Variants in DSCAM observed in about 807,000 individuals in gnomAD.
The protein encoded by DSCAM is DS cell adhesion molecule, also known as cell adhesion molecule DSCAM.
Under a neutral mutation model 217.7 loss-of-function variants are expected in DSCAM, and 47 were observed. The observed-to-expected ratio is 0.22, with a 90% CI of 0.17 to 0.28. DSCAM has a LOEUF of 0.28. DSCAM is among the 10% of genes least tolerant of loss of function. DSCAM has a pLI of 1.00. For missense variants in DSCAM, 2,080 were observed against 2,618.3 expected, an observed-to-expected ratio of 0.79 and a Z score of 4.49; for synonymous variants, 1,056 against 1,015.3, an observed-to-expected ratio of 1.04 and a Z score of -0.76.
At chr21:40,722,867 G>A (rs1053787219) in intron 1 of DSCAM, among the ~76,000 whole-genome samples, 3 of 152,086 alleles carry the variant, frequency 2.0e-5, no homozygotes, top group African/African-American at 7.2e-5. Flanking sequence ...GAAAGTGGGA[G>A]TGATTATATT....
At chr21:40,030,950 C>G (rs1383487681) in intron 32 of DSCAM, among the ~76,000 whole-genome samples, 1 of 152,158 alleles carries the variant, frequency 6.6e-6, no homozygotes, top group Non-Finnish European at 1.5e-5. Flanking sequence ...CATCCTCCTG[C>G]CACTGTGTTC....
At chr21:40,798,772 T>C (rs2091713823) in intron 1 of DSCAM, among the ~76,000 whole-genome samples, 2 of 152,164 alleles carry the variant, frequency 1.3e-5, no homozygotes, top group South Asian at 2.1e-4. Flanking sequence ...CTCTACATTG[T>C]AGAACTACAA....
intron 1 of DSCAM, among the ~76,000 whole-genome samples, chr21:40,818,946 T>A (rs572979349): frequency 6.6e-6 from 1 of 152,186 alleles, no homozygotes; most frequent in Non-Finnish European, 1.5e-5. Flanking sequence ...AGATCTGAAG[T>A]ACAAATGTAG....
intron 32 of DSCAM, among the ~76,000 whole-genome samples, chr21:40,028,499 A>G (rs908314807): frequency 6.6e-6 from 1 of 151,828 alleles, no homozygotes; most frequent in African/African-American, 2.4e-5. Context: ...GCAATCAGCG[A>G]GACTCCATGG....
chr21:40,691,238 T>C (rs1157407098), intron 3 of DSCAM, among the ~76,000 whole-genome samples: 1 of 152,182 alleles, frequency 6.6e-6, no homozygotes, highest in Non-Finnish European at 1.5e-5. Context: ...ATGTGTCACC[T>C]CCAAGTGGAA....
chr21:40,618,909 T>C (rs1474834657), intron 3 of DSCAM: 1 of 152,210 alleles, frequency 6.6e-6, no homozygotes, highest in Non-Finnish European at 1.5e-5. Context: ...CTCAAGTGTC[T>C]ACCAAGACCC....
At chr21:40,534,931 T>C (rs1365433732) in intron 3 of DSCAM, among the ~76,000 whole-genome samples, 1 of 152,150 alleles carries the variant, frequency 6.6e-6, no homozygotes, top group East Asian at 1.9e-4. Flanking sequence ...CATCTAGTAG[T>C]GAATAAGAAA....
intron 1 of DSCAM, among the ~76,000 whole-genome samples, chr21:40,794,996 T>G (rs2123477265): frequency 6.7e-6 from 1 of 150,014 alleles, no homozygotes; most frequent in Admixed American, 6.7e-5. Context: ...TTCTACACAA[T>G]AAGATTGATA....
At chr21:40,708,801 G>C in intron 1 of DSCAM, 30 bp from the exon 2 acceptor site, 1 of 1,430,584 alleles carries the variant, frequency 7.0e-7, no homozygotes, top group Non-Finnish European at 9.3e-7. Flanking sequence ...GGATCCATAG[G>C]TGAGTAAAAC....
intron 20 of DSCAM, 40 bp downstream of exon 20, chr21:40,124,155 G>A: frequency 6.2e-7 from 1 of 1,612,600 alleles, no homozygotes; most frequent in South Asian, 1.1e-5. Context: ...GCTCGTCCCT[G>A]GCAGACGCTT....
chr21:40,685,989 GC>G (rs1271268131), intron 3 of DSCAM, among the ~76,000 whole-genome samples: 1 of 151,952 alleles, frequency 6.6e-6, no homozygotes, highest in Non-Finnish European at 1.5e-5. Context: ...CTTTCCCTAG[GC>G]CACCCAGCTA....
chr21:40,175,150 C>T (rs1399833284), intron 15 of DSCAM, among the ~76,000 whole-genome samples: 1 of 152,150 alleles, frequency 6.6e-6, no homozygotes, highest in Non-Finnish European at 1.5e-5. Flanking sequence ...CACTCTGTTG[C>T]CCAGGCTGGA....
At chr21:40,146,435 CAGA>C (rs1274673610) in intron 16 of DSCAM, among the ~76,000 whole-genome samples, 9 of 152,108 alleles carry the variant, frequency 5.9e-5, no homozygotes, top group Admixed American at 1.3e-4. Context: ...AATGAGAAGT[CAGA>C]AGAAGGTTTC....
chr21:40,098,165 G>C (rs985660587), intron 20 of DSCAM, among the ~76,000 whole-genome samples: 1 of 151,922 alleles, frequency 6.6e-6, no homozygotes, highest in African/African-American at 2.4e-5. Context: ...CAGTAATAAA[G>C]ACAGAAATTT....
At chr21:40,813,836 A>C (rs1234813069) in intron 1 of DSCAM, among the ~76,000 whole-genome samples, 4 of 151,900 alleles carry the variant, frequency 2.6e-5, no homozygotes, top group Admixed American at 6.6e-5. Context: ...TAGTAGAGAC[A>C]GGGTTTCACC....
At position 40,033,581 on chromosome 21, in the gene DSCAM, G is replaced by T. The variant is rs150275240; in HGVS notation, c.5686+8790C>A. On this transcript the variant is annotated intron_variant, in intron 32 of 32. Transcript: ENST00000400454. Reference sequence around the variant, plus strand: ...GCAGTCTGAGATCAAACTGCAAGGCGGCAGTGAGGCTGGGGGAGGGGGGCC... The same window carrying T: ...GCAGTCTGAGATCAAACTGCAAGGCTGCAGTGAGGCTGGGGGAGGGGGGCC... 4.2e-4 allele frequency among the ~76,000 whole-genome samples: 64 copies of T among 151,558 alleles called. 2 individuals are homozygous for T. The highest frequency in any genetic ancestry group is 3.4e-3 in the Admixed American group (52 of 15,278).
intron 3 of DSCAM, among the ~76,000 whole-genome samples, chr21:40,479,677 A>G (rs903640984): frequency 2.0e-5 from 3 of 152,146 alleles, no homozygotes; most frequent in African/African-American, 7.2e-5. Context: ...CCATGATTCA[A>G]TTACCTCCCA....
chr21:40,420,678 C>G (rs1445609156), intron 3 of DSCAM, among the ~76,000 whole-genome samples: 1 of 152,178 alleles, frequency 6.6e-6, no homozygotes, highest in Non-Finnish European at 1.5e-5. Context: ...AGAGTGAGCA[C>G]TAATCCAATA....
chr21:40,287,024 G>A (rs2073835908), intron 10 of DSCAM, among the ~76,000 whole-genome samples: 1 of 151,726 alleles, frequency 6.6e-6, no homozygotes, highest in Non-Finnish European at 1.5e-5. Context: ...GGTATCTGCG[G>A]TGTGATCTGC....
Sources: allele counts gnomAD v4.1 joint callset (sites outside exome capture counted in the v4.1 genomes callset), GRCh38; gene constraint gnomAD v4.1.1; transcripts MANE v1.5; gene names NCBI Gene and HGNC (gene_info 2026-07-23, HGNC 2026-07-21).